Variants in SLC24A2 observed in about 807,000 individuals in gnomAD.
The protein encoded by SLC24A2 is solute carrier family 24 member 2.
In SLC24A2, 36 loss-of-function variants were observed where a neutral mutation model predicts 62.0. The ratio of observed to expected loss-of-function variants is 0.58; its 90% CI spans 0.44 to 0.77. The LOEUF is 0.77. Ranked by LOEUF, SLC24A2 falls within the 30% of genes least tolerant of loss-of-function variation. The probability of loss-of-function intolerance (pLI) is 0.00; values close to 1 mark genes in which losing one functional copy is unlikely to be tolerated. For missense variants in SLC24A2, 846 were observed against 817.9 expected (o/e 1.03, Z -0.42); for synonymous variants, 358 against 294.0 (o/e 1.22, Z -2.23).
chr9:20,204,677 A>T, the SLC24A2 span, among the ~76,000 whole-genome samples: 2 of 152,152 alleles, frequency 1.3e-5, no homozygotes, highest in African/African-American at 4.8e-5. Context: ...ACTTACAATG[A>T]AACAAATAAA....
chr9:20,025,349 G>A, the SLC24A2 span, among the ~76,000 whole-genome samples: 1 of 152,078 alleles, frequency 6.6e-6, no homozygotes, highest in Non-Finnish European at 1.5e-5. Context: ...ATCAATAAAT[G>A]AATAAGTTGA....
At chr9:19,939,905 A>C in the SLC24A2 span, among the ~76,000 whole-genome samples, 1 of 152,216 alleles carries the variant, frequency 6.6e-6, no homozygotes, top group Non-Finnish European at 1.5e-5. Flanking sequence ...TGGCACACTC[A>C]GATAAAATGC....
intron 2 of SLC24A2, among the ~76,000 whole-genome samples, chr9:19,736,854 A>G (rs929427923): frequency 6.6e-6 from 1 of 152,150 alleles, no homozygotes; most frequent in African/African-American, 2.4e-5. Flanking sequence ...CCTGTCTTAA[A>G]AGAAATAATC....
chr9:19,686,686 T>C (rs1029783235), intron 2 of SLC24A2, among the ~76,000 whole-genome samples: 7 of 152,076 alleles, frequency 4.6e-5, no homozygotes, highest in African/African-American at 1.7e-4. Context: ...AAGGACATGT[T>C]TGCTTCCTCT....
At chr9:19,609,205 C>A (rs1357037602) in intron 4 of SLC24A2, among the ~76,000 whole-genome samples, 1 of 152,248 alleles carries the variant, frequency 6.6e-6, no homozygotes, top group Non-Finnish European at 1.5e-5. Flanking sequence ...TGTGCGCTCT[C>A]ACTGCTTCAG....
At chr9:19,570,230 C>T (rs557552845) in intron 7 of SLC24A2, among the ~76,000 whole-genome samples, 3 of 152,342 alleles carry the variant, frequency 2.0e-5, no homozygotes, top group East Asian at 1.9e-4. Context: ...GTATTTTAGG[C>T]TCCAGTTCTA....
chr9:20,033,129 G>A, the SLC24A2 span, among the ~76,000 whole-genome samples: 3 of 152,148 alleles, frequency 2.0e-5, no homozygotes, highest in Non-Finnish European at 4.4e-5. Flanking sequence ...AGTTAAAGGA[G>A]GTTTTATGTG....
chr9:19,715,465 A>C (rs1459724036), intron 2 of SLC24A2, among the ~76,000 whole-genome samples: 1 of 152,226 alleles, frequency 6.6e-6, no homozygotes, highest in Non-Finnish European at 1.5e-5. Flanking sequence ...ACCCCTTGGG[A>C]AGTATTCCAC....
chr9:19,849,802 C>T, the SLC24A2 span, among the ~76,000 whole-genome samples: 1 of 151,986 alleles, frequency 6.6e-6, no homozygotes, highest in Admixed American at 6.6e-5. Flanking sequence ...AATGCAAAGA[C>T]CAAAACACTG....
intron 7 of SLC24A2, among the ~76,000 whole-genome samples, chr9:19,552,263 A>T (rs749892858): frequency 3.3e-5 from 5 of 152,096 alleles, no homozygotes; most frequent in Admixed American, 6.5e-5. Flanking sequence ...GGTGTAGAGA[A>T]TATCATTCCC....
At chr9:20,060,346 A>G in the SLC24A2 span, among the ~76,000 whole-genome samples, 1 of 152,150 alleles carries the variant, frequency 6.6e-6, no homozygotes, top group East Asian at 1.9e-4. Flanking sequence ...AGACAGAGAT[A>G]TCACAGGAAA....
chr9:19,583,320 T>C (rs992332571), intron 5 of SLC24A2, among the ~76,000 whole-genome samples: 12 of 152,222 alleles, frequency 7.9e-5, no homozygotes, highest in African/African-American at 2.7e-4. Flanking sequence ...TGTCACCTCA[T>C]TGAGGCTTGT....
At chr9:19,571,695 C>T (rs1447954694) in intron 7 of SLC24A2, among the ~76,000 whole-genome samples, 1 of 152,212 alleles carries the variant, frequency 6.6e-6, no homozygotes, top group Non-Finnish European at 1.5e-5. Context: ...TTGAGAAACA[C>T]TGAGCTAGGT....
At chr9:19,715,767 T>C (rs546670954) in intron 2 of SLC24A2, among the ~76,000 whole-genome samples, 1 of 152,360 alleles carries the variant, frequency 6.6e-6, no homozygotes, top group Admixed American at 6.5e-5. Context: ...CTGCATTATA[T>C]GCTGATTATG....
At chr9:19,905,557 G>C in the SLC24A2 span, among the ~76,000 whole-genome samples, 4 of 151,936 alleles carry the variant, frequency 2.6e-5, no homozygotes, top group East Asian at 7.7e-4. Flanking sequence ...TAGATTACAG[G>C]CATGCGCTAC....
At chr9:19,790,294 T>G (rs952719703), upstream of SLC24A2, among the ~76,000 whole-genome samples, 1 of 152,190 alleles carries the variant, frequency 6.6e-6, no homozygotes, top group African/African-American at 2.4e-5. Context: ...AGTAGTATAA[T>G]GAATCTCCAT....
chr9:19,756,875 C>T (rs938429163), intron 2 of SLC24A2, among the ~76,000 whole-genome samples: 39 of 127,180 alleles, frequency 3.1e-4, no homozygotes, highest in Admixed American at 8.7e-4. Context: ...AAAACTAGAG[C>T]TTGATATTCA....
At chr9:20,236,015 T>C in the SLC24A2 span, among the ~76,000 whole-genome samples, 2 of 152,218 alleles carry the variant, frequency 1.3e-5, no homozygotes, top group African/African-American at 4.8e-5. Flanking sequence ...AATTGATGTT[T>C]GTTGAATGAA....
intron 8 of SLC24A2, among the ~76,000 whole-genome samples, chr9:19,539,555 C>A (rs1834152897): frequency 1.6e-5 from 2 of 124,802 alleles, no homozygotes; most frequent in South Asian, 3.1e-4. Context: ...TTTGATTGCA[C>A]TGTGGTCTGG....
Sources: gnomAD v4.1 joint callset for allele counts (sites outside exome capture counted in the v4.1 genomes callset) on GRCh38, gnomAD v4.1.1 for gene constraint, MANE v1.5 for transcripts, NCBI Gene and HGNC (gene_info 2026-07-23, HGNC 2026-07-21) for gene names.